The following SYN3 variants were observed in gnomAD, a reference collection of about 807,000 sequenced individuals.
SYN3 encodes the protein synapsin III.
A neutral mutation model predicts 65.8 loss-of-function variants in SYN3; 35 were observed. The observed-to-expected ratio is 0.53, with a 90% CI of 0.41 to 0.70. SYN3 has a LOEUF of 0.70. Ranked by LOEUF, SYN3 falls within the 30% of genes least tolerant of loss-of-function variation. The pLI, the probability that SYN3 is intolerant of heterozygous loss-of-function variation, is 0.00. For synonymous variants in SYN3, 270 were observed against 292.9 expected (o/e 0.92, Z 0.80); for missense variants, 680 against 749.0 (o/e 0.91, Z 1.08).
chr22:32,754,688 C>T (rs2045240733), intron 6 of SYN3, among the ~76,000 whole-genome samples: 1 of 152,226 alleles, frequency 6.6e-6, no homozygotes, highest in African/African-American at 2.4e-5. Context: ...AGTCCTCAGA[C>T]GTTCCCTGAG....
chr22:32,942,822 A>G (rs1331467740), intron 3 of SYN3, among the ~76,000 whole-genome samples: 1 of 152,242 alleles, frequency 6.6e-6, no homozygotes, highest in Non-Finnish European at 1.5e-5. Flanking sequence ...AACCAATTTG[A>G]TCAACTGGAA....
At chr22:32,663,880 G>A (rs777706945) in intron 6 of SYN3, among the ~76,000 whole-genome samples, 1 of 152,160 alleles carries the variant, frequency 6.6e-6, no homozygotes, top group Non-Finnish European at 1.5e-5. Flanking sequence ...AGTCAAGAGA[G>A]AGATAGTGGA....
chr22:32,763,571 C>T (rs1452291802), intron 6 of SYN3, among the ~76,000 whole-genome samples: 3 of 152,144 alleles, frequency 2.0e-5, no homozygotes, highest in South Asian at 2.1e-4. Flanking sequence ...ATGTGAAAAC[C>T]GAGGCAGAGC....
chr22:32,735,628 A>G (rs2061328661), intron 6 of SYN3, among the ~76,000 whole-genome samples: 1 of 152,106 alleles, frequency 6.6e-6, no homozygotes, highest in African/African-American at 2.4e-5. Context: ...GATCTGTCTT[A>G]GTCCCAACAT....
chr22:32,526,964 G>A lies in SYN3; in HGVS notation c.1318+954C>T, dbSNP rs540204562. On this transcript the variant is annotated intron_variant, in intron 12 of 13. Coordinates refer to ENST00000358763, the MANE Select transcript of SYN3 (RefSeq NM_003490.4). ...TTGATTGCAAGAGAGGATACGGGGCGGATTTCTCTCAAGACTGCATGCAAG... is the reference window on the plus strand; with the variant it reads ...TTGATTGCAAGAGAGGATACGGGGCAGATTTCTCTCAAGACTGCATGCAAG... Among the ~76,000 whole-genome samples the A allele has an allele frequency of 5.3e-5, 8 of 152,212 alleles. No individual in the cohort carries two copies. The East Asian group carries it at 1.4e-3, about 26-fold the overall frequency.
intron 6 of SYN3, among the ~76,000 whole-genome samples, chr22:32,798,728 A>G (rs896855248): frequency 8.3e-6 from 1 of 120,614 alleles, no homozygotes; most frequent in Admixed American, 1.2e-4. Context: ...GTCTCACTCC[A>G]TCACCTAGGC....
intron 6 of SYN3, 85 bp downstream of exon 6, chr22:32,864,830 C>A: frequency 7.9e-7 from 1 of 1,269,576 alleles, no homozygotes; most frequent in East Asian, 2.3e-5. Flanking sequence ...CTAGAGTCCA[C>A]CTCCTCCATC....
chr22:32,795,880 C>T (rs2046417054), intron 6 of SYN3, among the ~76,000 whole-genome samples: 1 of 152,144 alleles, frequency 6.6e-6, no homozygotes, highest in South Asian at 2.1e-4. Flanking sequence ...CATATCAGTT[C>T]CAGCAGGTTC....
Position 32,580,804 on chromosome 22 carries a change from A to T in SYN3, c.774+15870T>A, listed in dbSNP as rs115301449. 5.2e-3 allele frequency among the ~76,000 whole-genome samples: 799 copies of T among 152,316 alleles called. 7 individuals are homozygous for T. The highest frequency in any genetic ancestry group is 0.019 in the African/African-American group (770 of 41,562). ...TCAGCAGAGACCATGTGCCCTGCAA[A>T]GCCTCAAATAGGTAGCATCTGGCTC... is the stretch of plus-strand genomic sequence containing the variant. On this transcript the variant is annotated intron_variant, in intron 7 of 13. Coordinates refer to ENST00000358763, the MANE Select transcript of SYN3 (RefSeq NM_003490.4).
chr22:32,566,250 T>C (rs1422579470), intron 7 of SYN3, among the ~76,000 whole-genome samples: 8 of 152,316 alleles, frequency 5.3e-5, no homozygotes. Flanking sequence ...AACTCTAGTC[T>C]TGGAATTGGG....
chr22:33,047,260 C>A (rs572988944), intron 1 of SYN3, among the ~76,000 whole-genome samples: 2 of 152,252 alleles, frequency 1.3e-5, no homozygotes, highest in East Asian at 3.9e-4. Context: ...GTACTAGTCA[C>A]CAATACATCC....
At chr22:32,779,220 G>A (rs2045975887) in intron 6 of SYN3, among the ~76,000 whole-genome samples, 1 of 152,214 alleles carries the variant, frequency 6.6e-6, no homozygotes, top group Non-Finnish European at 1.5e-5. Context: ...AGCACTTTGG[G>A]AGGCCGAGGT....
At chr22:32,758,681 C>CATATATATAT (rs71187211) in intron 6 of SYN3, among the ~76,000 whole-genome samples, 1,405 of 33,040 alleles carry the variant, frequency 0.043, 379 homozygotes, top group African/African-American at 0.066. Context: ...TTACTAAACT[C>CATATATATAT]ATATATATAT....
chr22:32,648,924 G>C (rs1321436933), intron 6 of SYN3, among the ~76,000 whole-genome samples: 1 of 152,208 alleles, frequency 6.6e-6, no homozygotes, highest in African/African-American at 2.4e-5. Flanking sequence ...AGGGAGTTTG[G>C]ATGGGCACAA....
At chr22:33,004,030 C>A (rs749772913) in intron 2 of SYN3, among the ~76,000 whole-genome samples, 22 of 152,246 alleles carry the variant, frequency 1.4e-4, no homozygotes, top group African/African-American at 2.7e-4. Context: ...CCACATGGTG[C>A]TGGCCCTGCG....
rs146216052 is a variant in SYN3, at chr22:32,944,070, T to C, written c.370-12589A>G. ...CAAAGTTAACAAGGATATCCAGGAA[T>C]TGAACTCAGCTCTGCACCAAGTGGA... On this transcript the variant is annotated intron_variant, in intron 3 of 13. Transcript: ENST00000358763. Among the ~76,000 whole-genome samples the C allele has an allele frequency of 8.4e-3, 1,276 of 152,260 alleles. 27 individuals carry two copies. Among genetic ancestry groups the C allele is most frequent in the African/African-American group, 0.03 (1,240 of 41,528 alleles).
chr22:32,955,317 G>A (rs575159544), intron 3 of SYN3, among the ~76,000 whole-genome samples: 4 of 152,234 alleles, frequency 2.6e-5, no homozygotes, highest in African/African-American at 9.6e-5. Flanking sequence ...AAAGAAAAAT[G>A]AGGCAGATAA....
At position 33,005,150 on chromosome 22, in the gene SYN3, C is replaced by T. The variant is rs560826889; in HGVS notation, c.311+1202G>A. Among the ~76,000 whole-genome samples the T allele has an allele frequency of 2.0e-5, 3 of 152,296 alleles. No individual in the cohort carries two copies. In the South Asian group the frequency reaches 6.2e-4, roughly 32 times the overall value. On this transcript the variant is annotated intron_variant, in intron 2 of 13. Coordinates refer to ENST00000358763, the MANE Select transcript of SYN3 (RefSeq NM_003490.4). ...ACGTGGAACTGTGAGTTGATTAAACCTCTCTCCTTTATAAATTACCCAGTC... is the reference window on the plus strand; with the variant it reads ...ACGTGGAACTGTGAGTTGATTAAACTTCTCTCCTTTATAAATTACCCAGTC...
At chr22:32,645,597 C>T (rs1001001531) in intron 6 of SYN3, among the ~76,000 whole-genome samples, 6 of 152,314 alleles carry the variant, frequency 3.9e-5, no homozygotes, top group African/African-American at 4.8e-5. Context: ...ATTTCTGAAA[C>T]GTTAATTGGT....
Sources: gnomAD v4.1 joint callset for allele counts (sites outside exome capture counted in the v4.1 genomes callset) on GRCh38, gnomAD v4.1.1 for gene constraint, MANE v1.5 for transcripts, NCBI Gene and HGNC (gene_info 2026-07-23, HGNC 2026-07-21) for gene names.